NEGR1: variants seen among roughly 807,000 people sequenced by gnomAD.
NEGR1 encodes neuronal growth regulator 1, also known as IgLON family member 4.
In NEGR1, 10 loss-of-function variants were observed where a neutral mutation model predicts 40.9. The observed-to-expected ratio is 0.24, with a 90% CI of 0.15 to 0.42. NEGR1 has a LOEUF of 0.42. Ranked by LOEUF, NEGR1 falls within the 10% of genes least tolerant of loss-of-function variation. The pLI, the probability that NEGR1 is intolerant of heterozygous loss-of-function variation, is 1.00. For synonymous variants in NEGR1, 185 were observed against 166.8 expected (o/e 1.11, Z -0.84); for missense variants, 352 against 438.9 (o/e 0.80, Z 1.77).
intron 1 of NEGR1, among the ~76,000 whole-genome samples, chr1:72,239,210 T>C (rs766167802): frequency 2.0e-5 from 3 of 151,874 alleles, no homozygotes; most frequent in Admixed American, 1.3e-4. Flanking sequence ...ATAAGGAGAA[T>C]AGACTTCTGA....
intron 2 of NEGR1, among the ~76,000 whole-genome samples, chr1:71,821,514 CA>C (rs1267765346): frequency 6.6e-6 from 1 of 151,860 alleles, no homozygotes; most frequent in African/African-American, 2.4e-5. Flanking sequence ...TTGACACACA[CA>C]AAAAAAGTTG....
Position 72,248,222 on chromosome 1 carries a change from T to C in NEGR1, c.176+34097A>G, listed in dbSNP as rs75656325. ...CTCAATAAGAGAACTAATTAACCAA[T>C]AGATACTCAGTCTTTGACTTTCTCA... On this transcript the variant is annotated intron_variant, in intron 1 of 6. Coordinates refer to ENST00000357731, the MANE Select transcript of NEGR1 (RefSeq NM_173808.3). 5.2e-3 allele frequency among the ~76,000 whole-genome samples: 788 copies of C among 152,226 alleles called. 7 individuals carry two copies. The highest frequency in any genetic ancestry group is 0.017 in the African/African-American group (711 of 41,536).
intron 3 of NEGR1, among the ~76,000 whole-genome samples, chr1:71,772,042 CTGAT>C (rs1190713112): frequency 2.0e-5 from 3 of 152,118 alleles, no homozygotes; most frequent in Non-Finnish European, 4.4e-5. Context: ...AGACAACACA[CTGAT>C]TGATTGAAAA....
At chr1:72,228,102 T>A (rs1182681816) in intron 1 of NEGR1, among the ~76,000 whole-genome samples, 2 of 152,148 alleles carry the variant, frequency 1.3e-5, no homozygotes, top group African/African-American at 4.8e-5. Context: ...AGCCTCCCGC[T>A]GAGCCTCCAT....
At chr1:71,905,916 A>G (rs988298753) in intron 2 of NEGR1, among the ~76,000 whole-genome samples, 16 of 151,826 alleles carry the variant, frequency 1.1e-4, no homozygotes, top group African/African-American at 3.6e-4. Context: ...TTAGTTTCCT[A>G]TGTAAGCAAA....
intron 6 of NEGR1, among the ~76,000 whole-genome samples, chr1:71,441,710 C>T (rs891178959): frequency 1.3e-5 from 2 of 152,074 alleles, no homozygotes; most frequent in African/African-American, 2.4e-5. Context: ...TTTATGTTAT[C>T]ATGGAATGTT....
intron 5 of NEGR1, among the ~76,000 whole-genome samples, chr1:71,600,982 T>C (rs1174542329): frequency 6.6e-6 from 1 of 152,204 alleles, no homozygotes; most frequent in Non-Finnish European, 1.5e-5. Flanking sequence ...CCTCAGCCAG[T>C]GGCTTCACTC....
chr1:71,689,565 T>C (rs74088587), intron 4 of NEGR1, among the ~76,000 whole-genome samples: 5,552 of 152,204 alleles, frequency 0.036, 130 homozygotes, highest in African/African-American at 0.071. Flanking sequence ...GCAGTTATGC[T>C]CATTGATTTA....
At chr1:71,970,760 A>T (rs950402344) in intron 1 of NEGR1, among the ~76,000 whole-genome samples, 2 of 152,194 alleles carry the variant, frequency 1.3e-5, no homozygotes, top group African/African-American at 4.8e-5. Flanking sequence ...CTTATATGTA[A>T]AAAAGAGAAC....
chr1:71,439,387 G>C (rs1027637851), intron 6 of NEGR1, among the ~76,000 whole-genome samples: 1 of 152,092 alleles, frequency 6.6e-6, no homozygotes, highest in Non-Finnish European at 1.5e-5. Flanking sequence ...TTTTGAGACA[G>C]GATCTGACTC....
intron 1 of NEGR1, among the ~76,000 whole-genome samples, chr1:72,224,041 C>G (rs572511032): frequency 1.3e-5 from 2 of 152,168 alleles, no homozygotes; most frequent in South Asian, 4.2e-4. Flanking sequence ...ATTCATTATG[C>G]TGATAAGTGA....
At chr1:71,932,840 C>G (rs534846031) in intron 2 of NEGR1, among the ~76,000 whole-genome samples, 1 of 152,150 alleles carries the variant, frequency 6.6e-6, no homozygotes, top group African/African-American at 2.4e-5. Context: ...GTGTACACAT[C>G]AGTTTACTTT....
chr1:72,108,886 C>T (rs1476501816), intron 1 of NEGR1, among the ~76,000 whole-genome samples: 1 of 148,384 alleles, frequency 6.7e-6, no homozygotes, highest in African/African-American at 2.5e-5. Context: ...CAATTTCTAA[C>T]TTTTTTTTTT....
At chr1:71,656,415 G>C (rs367546214) in intron 4 of NEGR1, among the ~76,000 whole-genome samples, 16 of 151,482 alleles carry the variant, frequency 1.1e-4, no homozygotes, top group Non-Finnish European at 2.1e-4. Flanking sequence ...GTTTTTTGTT[G>C]TTGTTGTTGT....
intron 6 of NEGR1, among the ~76,000 whole-genome samples, chr1:71,414,983 G>T (rs1029438607): frequency 3.3e-5 from 5 of 152,092 alleles, no homozygotes; most frequent in African/African-American, 4.8e-5. Flanking sequence ...TGGATAAATG[G>T]CTTCAGATTC....
At chr1:71,481,616 T>A (rs890449598) in intron 6 of NEGR1, among the ~76,000 whole-genome samples, 2 of 151,934 alleles carry the variant, frequency 1.3e-5, no homozygotes, top group African/African-American at 4.8e-5. Context: ...TTCCACCAAT[T>A]AAGATTTTAG....
At chr1:72,166,017 G>A (rs977686034) in intron 1 of NEGR1, among the ~76,000 whole-genome samples, 13 of 151,898 alleles carry the variant, frequency 8.6e-5, no homozygotes, top group Non-Finnish European at 1.5e-5. Flanking sequence ...AATAGGAAAG[G>A]GCAATGTATA....
chr1:71,931,356 C>T (rs1035719894), intron 2 of NEGR1, among the ~76,000 whole-genome samples: 1 of 152,054 alleles, frequency 6.6e-6, no homozygotes, highest in East Asian at 1.9e-4. Flanking sequence ...AGACTTTAAA[C>T]GTCATGGAGA....
At chr1:72,042,800 A>C (rs1646967689) in intron 1 of NEGR1, among the ~76,000 whole-genome samples, 1 of 151,990 alleles carries the variant, frequency 6.6e-6, no homozygotes, top group Admixed American at 6.6e-5. Flanking sequence ...ATGATTTCTG[A>C]CTAAATATTA....
Sources: gnomAD v4.1 joint callset for allele counts (sites outside exome capture counted in the v4.1 genomes callset) on GRCh38, gnomAD v4.1.1 for gene constraint, MANE v1.5 for transcripts, NCBI Gene and HGNC (gene_info 2026-07-23, HGNC 2026-07-21) for gene names.